Variants in TIMM50 observed in about 807,000 individuals in gnomAD.
TIMM50 encodes the protein translocase of inner mitochondrial membrane 50, also known as mitochondrial import inner membrane translocase subunit TIM50.
Under a neutral mutation model 49.6 loss-of-function variants are expected in TIMM50, and 34 were observed. That is an observed-to-expected ratio of 0.69 (90% CI 0.52 to 0.91). TIMM50 has a LOEUF of 0.91. TIMM50 is among the 40% of genes least tolerant of loss of function. The pLI is 0.00. For synonymous variants in TIMM50, 199 were observed against 198.4 expected, an observed-to-expected ratio of 1.00 and a Z score of -0.03; for missense variants, 458 against 477.8, an observed-to-expected ratio of 0.96 and a Z score of 0.39.
rs1600743370 is a variant in TIMM50 at position 39,489,706 on chromosome 19, C to T, written c.961-13C>T. 2.5e-6 allele frequency: 4 copies of T among 1,596,874 alleles called. No homozygotes were observed. Among genetic ancestry groups the T allele is most frequent in the South Asian group, 2.3e-5 (2 of 87,912 alleles). The stretch of plus-strand genomic sequence containing the variant: ...TGCGCTGACCCTCTCCTCCAACTGT[C>T]CCCCTACCCCAGGAGGAGCAGCAGC... On this transcript the variant is annotated splice_polypyrimidine_tract_variant and intron_variant, in intron 10 of 10. Transcript: ENST00000607714.
chr19:39,485,881 C>T, intron 6 of TIMM50, 74 bp downstream of exon 6: 2 of 1,585,770 alleles, frequency 1.3e-6, no homozygotes, highest in Non-Finnish European at 1.7e-6. Flanking sequence ...ACTTTCAGCC[C>T]TGGCTGTGCT....
Position 39,485,525 on chromosome 19 carries a change from G to C in TIMM50, c.314-19G>C. On this transcript the variant is annotated intron_variant, in intron 4 of 10. Coordinates refer to ENST00000607714, the MANE Select transcript of TIMM50 (RefSeq NM_001001563.5). ...CAGCGGCTTATTGTGGAATCTCTTT[G>C]TGCCTGGTGTTCTCCTAGATCCAAT... 6.2e-7 allele frequency: 1 copy of C among 1,614,102 alleles called. No individual in the cohort carries two copies. Among genetic ancestry groups the C allele is most frequent in the Non-Finnish European group, 8.5e-7 (1 of 1,180,026 alleles).
intron 9 of TIMM50, among the ~76,000 whole-genome samples, 161 bp downstream of exon 9, chr19:39,488,378 G>A (rs1251366176): frequency 6.6e-6 from 1 of 152,204 alleles, no homozygotes; most frequent in African/African-American, 2.4e-5. Context: ...GAATGTTTGG[G>A]GGATACTTGG....
rs2079505654 is a variant in TIMM50, at chr19:39,486,296, G to GCAC, written c.597+5_597+6insCAC. 1 of 1,614,100 alleles carries GCAC rather than the reference G, an allele frequency of 6.2e-7. No homozygotes were observed. Among genetic ancestry groups the GCAC allele is most frequent in the Non-Finnish European group, 8.5e-7 (1 of 1,179,972 alleles). ...TTTACGTCAGAGACTGGCATGGTGA[G>GCAC]GCTCTGGGGCAGGGGAGGGAATATT... On this transcript the variant is annotated splice_donor_region_variant and intron_variant, in intron 7 of 10. Transcript: ENST00000607714.
Position 39,488,060 on chromosome 19 carries a change from G to A in TIMM50, c.697-1G>A, listed in dbSNP as rs2079519175. 1.2e-6 allele frequency: 2 copies of A among 1,608,446 alleles called. No homozygotes were observed. The highest frequency in any genetic ancestry group is 2.7e-5 in the African/African-American group (2 of 74,856). On this transcript the variant is annotated splice_acceptor_variant, in intron 8 of 10. Transcript: ENST00000607714. LOFTEE classifies it high-confidence loss of function. ...TGACCTGATCTGTCACTCACTTCCA[G>A]GATATTTCATGTCTGAATCGGGACC...
chr19:39,481,064 C>T, intron 1 of TIMM50, 103 bp downstream of exon 1: 1 of 1,356,408 alleles, frequency 7.4e-7, no homozygotes, highest in South Asian at 1.5e-5. Flanking sequence ...CCTCAGGGTG[C>T]TGAATGAAAC....
chr19:39,489,644 G>A (rs2079530921), intron 10 of TIMM50, 75 bp from the exon 11 acceptor site: 2 of 1,358,270 alleles, frequency 1.5e-6, no homozygotes, highest in African/African-American at 2.9e-5. Context: ...GCTGAGGCCT[G>A]GGGACCTGGG....
intron 4 of TIMM50, chr19:39,483,498 T>G: frequency 3.4e-6 from 1 of 296,798 alleles, no homozygotes; most frequent in Non-Finnish European, 6.3e-6. Flanking sequence ...CTCGAGCCCC[T>G]ACCCCATTAG....
rs1408507443 is a variant in TIMM50 at position 39,493,140 on chromosome 19, C to T, written c.*3320C>T. The T allele has an allele frequency of 6.6e-6, 1 of 151,872 alleles. No individual in the cohort carries two copies. The highest frequency in any genetic ancestry group is 1.9e-4 in the East Asian group (1 of 5,194). 9.4% of individuals were successfully genotyped at this position (151,872 alleles called of 1,614,324 possible). A position where few individuals can be genotyped will look rare whatever the true frequency, so the allele number is the denominator to read the frequency against. ...CTACAAAGGATAATTAAAATTTACA[C>T]CATGACTCTTTGTCCTGGGGTGCAC... On this transcript the variant is annotated 3_prime_UTR_variant, in exon 11 of 11. Coordinates refer to ENST00000607714, the MANE Select transcript of TIMM50 (RefSeq NM_001001563.5).
intron 4 of TIMM50, among the ~76,000 whole-genome samples, chr19:39,484,035 G>A (rs1025686936): frequency 6.6e-6 from 1 of 151,734 alleles, no homozygotes; most frequent in African/African-American, 2.4e-5. Flanking sequence ...TATAGTTTTA[G>A]TAGAGACAGG....
In TIMM50 at chr19:39,486,259, G is replaced by A; in HGVS notation, c.565G>A (p.Glu189Lys). ...GTTCCAGCAGCTTGCCCCTTTATAT[G>A]AAATTGTCATCTTTACGTCAGAGAC... ...TLFQQLAPLY[E>K]IVIFTSETGM... The change falls in exon 7 of 11, where the codon GAA (glutamate) becomes AAA (lysine). Residue 189 changes from glutamate (E) to lysine (K), a missense_variant. Transcript: ENST00000607714. The A allele has an allele frequency of 1.2e-6, 2 of 1,614,150 alleles. No homozygotes were observed. The highest frequency in any genetic ancestry group is 1.7e-6 in the Non-Finnish European group (2 of 1,180,028).
rs1176568340 is a variant in TIMM50, at chr19:39,485,733, C to T, written c.418C>T (p.Gln140Ter). ...TSPCLLPDPL[Q>*]EPYYQPPYTL... ...CCCTTGCCTTCTCCCAGACCCTCTGCAGGAACCGTACTACCAGCCACCCTA... is the reference window on the plus strand; with the variant it reads ...CCCTTGCCTTCTCCCAGACCCTCTGTAGGAACCGTACTACCAGCCACCCTA... Residue 140 changes from glutamine to a stop codon, truncating the protein, a stop_gained, in exon 6 of 11, where the codon CAG (glutamine) becomes TAG (stop). Coordinates refer to ENST00000607714, the MANE Select transcript of TIMM50 (RefSeq NM_001001563.5). LOFTEE classifies it high-confidence loss of function. 6.2e-7 allele frequency: 1 copy of T among 1,614,028 alleles called. No individual in the cohort carries two copies. Among genetic ancestry groups the T allele is most frequent in the Admixed American group, 1.7e-5 (1 of 59,998 alleles).
At chr19:39,481,195 G>C in intron 1 of TIMM50, 2 of 567,670 alleles carry the variant, frequency 3.5e-6, no homozygotes, top group Non-Finnish European at 6.0e-6. Flanking sequence ...CGGAGGAGGA[G>C]GGGGTTACCG....
In TIMM50 at chr19:39,492,834, G is replaced by GCA. The variant is rs1179662790; in HGVS notation, c.*3016_*3017dup. ...TGCAGTGAGCTGAGATCACACCATT[G>GCA]CACTCCAGCCTGGGCGACAGAGTAA... is the stretch of plus-strand genomic sequence containing the variant. On this transcript the variant is annotated 3_prime_UTR_variant, in exon 11 of 11. Coordinates refer to ENST00000607714, the MANE Select transcript of TIMM50 (RefSeq NM_001001563.5). 3.4e-5 allele frequency: 4 copies of GCA among 116,654 alleles called. No individual in the cohort carries two copies. The highest frequency in any genetic ancestry group is 1.3e-4 in the African/African-American group (4 of 30,256). The allele number at this position is 116,654 out of a possible 1,614,324, so 7.2% of individuals were successfully genotyped here.
At chr19:39,483,233 C>G (rs1218426324) in intron 4 of TIMM50, 77 bp downstream of exon 4, 38 of 1,587,536 alleles carry the variant, frequency 2.4e-5, no homozygotes, top group Non-Finnish European at 7.8e-6. Flanking sequence ...CTCTCCCCAT[C>G]TGGTGTCTCC....
intron 1 of TIMM50, chr19:39,481,198 G>A (rs538422365): frequency 1.8e-6 from 1 of 565,562 alleles, no homozygotes; most frequent in South Asian, 2.4e-5. Context: ...AGGAGGAGGG[G>A]GTTACCGTTC....
At chr19:39,481,454 A>C in intron 1 of TIMM50, 2 of 235,188 alleles carry the variant, frequency 8.5e-6, no homozygotes, top group Non-Finnish European at 8.3e-6. Flanking sequence ...CTCCGCTCCT[A>C]TCCCTTACCC....
intron 1 of TIMM50, 62 bp downstream of exon 1, chr19:39,481,023 C>A: frequency 6.7e-7 from 1 of 1,489,432 alleles, no homozygotes; most frequent in South Asian, 1.3e-5. Flanking sequence ...ACGGACATAT[C>A]GCCGCCCCTT....
In TIMM50 at chr19:39,491,805, C is replaced by T. The variant is rs1465120917; in HGVS notation, c.*1985C>T. The T allele has an allele frequency of 2.6e-5, 3 of 115,266 alleles. No individual in the cohort carries two copies. The highest frequency in any genetic ancestry group is 1.2e-4 in the Admixed American group (1 of 8,104). 7.1% of individuals were successfully genotyped at this position (115,266 alleles called of 1,614,324 possible). A position where few individuals can be genotyped will look rare whatever the true frequency, so the allele number is the denominator to read the frequency against. On this transcript the variant is annotated 3_prime_UTR_variant, in exon 11 of 11. Coordinates refer to ENST00000607714, the MANE Select transcript of TIMM50 (RefSeq NM_001001563.5). ...TCGTGCCGCTAAATTCTAGCCTGGG[C>T]AACAGAGCGAGACCCTGTCTCAAAA...
Sources: allele counts gnomAD v4.1 joint callset (sites outside exome capture counted in the v4.1 genomes callset), GRCh38; gene constraint gnomAD v4.1.1; transcripts MANE v1.5; gene names NCBI Gene and HGNC (gene_info 2026-07-23, HGNC 2026-07-21).